The following SS18 variants were observed in gnomAD, a reference collection of about 807,000 sequenced individuals.
The protein encoded by SS18 is SS18 subunit of BAF chromatin remodeling complex.
Under a neutral mutation model 72.5 loss-of-function variants are expected in SS18, and 28 were observed. The ratio of observed to expected loss-of-function variants is 0.39; its 90% CI spans 0.29 to 0.53. The LOEUF (loss-of-function observed/expected upper bound fraction) is 0.53. SS18 is among the 20% of genes least tolerant of loss of function. The pLI, the probability that SS18 is intolerant of heterozygous loss-of-function variation, is 0.76. For synonymous variants in SS18, 172 were observed against 164.2 expected, an observed-to-expected ratio of 1.05 and a Z score of -0.37; for missense variants, 518 against 535.3, an observed-to-expected ratio of 0.97 and a Z score of 0.32.
At chr18:26,025,784 G>A (rs2053435721) in intron 10 of SS18, among the ~76,000 whole-genome samples, 1 of 151,758 alleles carries the variant, frequency 6.6e-6, no homozygotes, top group South Asian at 2.1e-4. Context: ...CCAATTTTCT[G>A]AAGGGAGGAA....
At chr18:26,077,481 G>C (rs772641545) in intron 3 of SS18, among the ~76,000 whole-genome samples, 56 of 152,156 alleles carry the variant, frequency 3.7e-4, no homozygotes, top group Middle Eastern at 6.8e-3. Flanking sequence ...AAGATAAAAT[G>C]ATACAGATTA....
At chr18:26,031,784 A>G (rs1018232782) in intron 10 of SS18, among the ~76,000 whole-genome samples, 29 of 152,308 alleles carry the variant, frequency 1.9e-4, no homozygotes, top group African/African-American at 6.7e-4. Context: ...AGGAGGCAAC[A>G]GAGGGCGGAA....
intron 5 of SS18, 102 bp downstream of exon 5, chr18:26,052,522 A>G (rs1257885037): frequency 2.1e-6 from 2 of 930,806 alleles, no homozygotes; most frequent in African/African-American, 3.3e-5. Context: ...ACTCACTTTA[A>G]ACTTTTATTT....
rs985619528 is a variant in SS18 at position 26,038,516 on chromosome 18, G to A, written c.880+39C>T. The stretch of plus-strand genomic sequence containing the variant: ...TAACTCTCTACATTAATATTAGGCA[G>A]GGATAGAAAATGGGAAAGTTAACAT... On this transcript the variant is annotated intron_variant, in intron 7 of 10. Transcript: ENST00000415083. 10 of 1,526,266 alleles carry A rather than the reference G, an allele frequency of 6.6e-6. No homozygotes were observed. In the African/African-American group the frequency reaches 1.4e-4, roughly 21 times the overall value. The allele number at this position is 1,526,266 out of a possible 1,614,324, so 94.5% of individuals were successfully genotyped here. A position where few individuals can be genotyped will look rare whatever the true frequency, so the allele number is the denominator to read the frequency against.
At chr18:26,022,842 C>T (rs1326518104) in intron 10 of SS18, among the ~76,000 whole-genome samples, 1 of 152,146 alleles carries the variant, frequency 6.6e-6, no homozygotes, top group Non-Finnish European at 1.5e-5. Context: ...TTAGGGGAAA[C>T]AATACTTGTT....
Position 26,035,150 on chromosome 18 carries a change from GA to G in SS18, c.974-24del, listed in dbSNP as rs769794433. The G allele has an allele frequency of 5.0e-6, 8 of 1,598,510 alleles. No individual in the cohort carries two copies. Among genetic ancestry groups the G allele is most frequent in the African/African-American group, 1.4e-5 (1 of 73,638 alleles). ...TTCCTACAGGATAATTGGAGAAGAG[GA>G]AAAAAAACTGAGAAGTCTGCTTAAG... On this transcript the variant is annotated intron_variant, in intron 8 of 10. Coordinates refer to ENST00000415083, the MANE Select transcript of SS18 (RefSeq NM_001007559.3). This position sits in a 1 kb window ranked among gnomAD's most constrained non-coding sequence, Gnocchi z 4.4.
At chr18:26,064,144 A>T (rs1274737719) in intron 3 of SS18, among the ~76,000 whole-genome samples, 3 of 152,156 alleles carry the variant, frequency 2.0e-5, no homozygotes, top group African/African-American at 7.2e-5. Flanking sequence ...TTATTAGAGA[A>T]ACTGAATCCA....
intron 5 of SS18, among the ~76,000 whole-genome samples, chr18:26,043,908 G>T (rs142309313): frequency 6.6e-6 from 1 of 152,212 alleles, no homozygotes; most frequent in African/African-American, 2.4e-5. Context: ...GTTTTAAAAG[G>T]TATTAAAAAT....
At chr18:26,042,742 G>C (rs963348850) in intron 5 of SS18, among the ~76,000 whole-genome samples, 5 of 151,832 alleles carry the variant, frequency 3.3e-5, no homozygotes, top group Admixed American at 2.6e-4. Flanking sequence ...GTAATATAGA[G>C]ATGTGATGAG....
Position 26,018,362 on chromosome 18 carries a change from G to A in SS18, c.1249C>T (p.Gln417Ter). The change falls in exon 11 of 11, where the codon CAG becomes TAG. Residue 417 changes from glutamine to a stop codon, truncating the protein, a stop_gained. Coordinates refer to ENST00000415083, the MANE Select transcript of SS18 (RefSeq NM_001007559.3). LOFTEE classifies it high-confidence loss of function. ...GYDQGQYGNY[Q>*]Q ...GGAATGTAAGTACTTTTTCACTGCT[G>A]GTAATTTCCATACTGTCCCTAAAAG... 1 of 1,600,024 alleles carries A rather than the reference G, an allele frequency of 6.2e-7. No homozygotes were observed. Among genetic ancestry groups the A allele is most frequent in the African/African-American group, 1.3e-5 (1 of 74,692 alleles).
At chr18:26,049,560 T>G (rs2053886163) in intron 5 of SS18, among the ~76,000 whole-genome samples, 1 of 152,212 alleles carries the variant, frequency 6.6e-6, no homozygotes, top group Non-Finnish European at 1.5e-5. Context: ...TCACCCAAGC[T>G]GGAGTGCAGT....
chr18:26,039,032 A>G (rs1227495005), intron 6 of SS18, among the ~76,000 whole-genome samples: 1 of 152,098 alleles, frequency 6.6e-6, no homozygotes, highest in African/African-American at 2.4e-5. Context: ...TTCAAAAACA[A>G]AACAGTATTT....
chr18:26,027,074 G>A (rs1314862724), intron 10 of SS18, among the ~76,000 whole-genome samples: 8 of 152,070 alleles, frequency 5.3e-5, no homozygotes, highest in African/African-American at 1.7e-4. Flanking sequence ...AAGCTTTTAC[G>A]TACAAACTGA....
At chr18:26,071,760 C>A (rs551595315) in intron 3 of SS18, among the ~76,000 whole-genome samples, 2 of 151,968 alleles carry the variant, frequency 1.3e-5, no homozygotes, top group African/African-American at 4.8e-5. Context: ...CCCAAAAGTT[C>A]GAAGCTGCAG....
At chr18:26,022,087 A>C (rs2053361137) in intron 10 of SS18, among the ~76,000 whole-genome samples, 1 of 152,190 alleles carries the variant, frequency 6.6e-6, no homozygotes, top group Admixed American at 6.5e-5. Context: ...CTATTTACCT[A>C]ATCAGTTTAA....
intron 10 of SS18, 95 bp from the exon 11 acceptor site, chr18:26,018,475 CA>C: frequency 9.9e-7 from 1 of 1,010,132 alleles, no homozygotes; most frequent in African/African-American, 1.6e-5. Flanking sequence ...TGTCATACCA[CA>C]AAAAAGCAGC....
intron 3 of SS18, among the ~76,000 whole-genome samples, chr18:26,076,883 C>T (rs1248911173): frequency 2.0e-5 from 3 of 151,812 alleles, no homozygotes; most frequent in Non-Finnish European, 2.9e-5. Context: ...AAAATGGTAA[C>T]CTACACAGGT....
At chr18:26,047,657 C>T (rs919986525) in intron 5 of SS18, among the ~76,000 whole-genome samples, 9 of 152,138 alleles carry the variant, frequency 5.9e-5, no homozygotes, top group Non-Finnish European at 8.8e-5. Flanking sequence ...CTGGCTAACA[C>T]GGTGAAACCC....
intron 5 of SS18, 70 bp from the exon 6 acceptor site, chr18:26,039,526 T>C: frequency 7.1e-7 from 1 of 1,409,232 alleles, no homozygotes. Context: ...AGAAATAAGA[T>C]AATCTTTTAT....
Sources: gnomAD v4.1 joint callset for allele counts (sites outside exome capture counted in the v4.1 genomes callset) on GRCh38, gnomAD v4.1.1 for gene constraint, Gnocchi (gnomAD v3.1) non-coding constraint, MANE v1.5 for transcripts, NCBI Gene and HGNC (gene_info 2026-07-23, HGNC 2026-07-21) for gene names.